TNS1: variants seen among roughly 807,000 people sequenced by gnomAD.
TNS1 encodes tensin-1.
TNS1 carries 62 observed loss-of-function variants against 168.6 expected under a neutral mutation model. The ratio of observed to expected loss-of-function variants is 0.37; its 90% CI spans 0.30 to 0.45. The LOEUF is 0.45. TNS1 is among the 20% of genes least tolerant of loss of function. The probability of loss-of-function intolerance (pLI) is 1.00; values close to 1 mark genes in which losing one functional copy is unlikely to be tolerated. For missense variants in TNS1, 2,240 were observed against 2,339.4 expected, an observed-to-expected ratio of 0.96 and a Z score of 0.88; for synonymous variants, 934 against 933.2, an observed-to-expected ratio of 1.00 and a Z score of -0.02.
At chr2:217,890,382 T>C in intron 12 of TNS1, 1 of 152,702 alleles carries the variant, frequency 6.5e-6, no homozygotes, top group East Asian at 1.9e-4. Flanking sequence ...CTTTTTCCTG[T>C]TCACCCAGAT....
At chr2:217,913,523 C>A (rs980720672) in intron 4 of TNS1, among the ~76,000 whole-genome samples, 1 of 152,136 alleles carries the variant, frequency 6.6e-6, no homozygotes, top group Non-Finnish European at 1.5e-5. Context: ...TCCAGCCACC[C>A]TTGCCTGCAG....
intron 22 of TNS1, among the ~76,000 whole-genome samples, 171 bp from the exon 23 acceptor site, chr2:217,822,109 AG>A (rs1942960543): frequency 6.6e-6 from 1 of 152,022 alleles, no homozygotes; most frequent in Non-Finnish European, 1.5e-5. Flanking sequence ...CCTGCCCTGC[AG>A]TGACCTTTCA....
chr2:217,961,754 G>C (rs1957502839), intron 3 of TNS1, among the ~76,000 whole-genome samples: 1 of 152,132 alleles, frequency 6.6e-6, no homozygotes, highest in Non-Finnish European at 1.5e-5. Context: ...ATACTCCCGA[G>C]AAAAGAACTT....
In TNS1 at chr2:218,020,981, T is replaced by A. The variant is rs57973582; in HGVS notation, c.156+12839A>T. Among the ~76,000 whole-genome samples, 591 of 152,298 alleles carry A rather than the reference T, an allele frequency of 3.9e-3. 4 individuals carry two copies. The highest frequency in any genetic ancestry group is 0.013 in the African/African-American group (553 of 41,560). On this transcript the variant is annotated intron_variant, in intron 1 of 1. Coordinates refer to the TNS1 transcript ENST00000649572. ...CAGCGAGATGAGAGAAGACAATGCA[T>A]CCACGAAACAAGAACAGGAGGCTAT... is the stretch of plus-strand genomic sequence containing the variant.
intron 1 of TNS1, among the ~76,000 whole-genome samples, chr2:218,030,082 C>G (rs758351009): frequency 6.6e-6 from 1 of 152,156 alleles, no homozygotes; most frequent in Non-Finnish European, 1.5e-5. Context: ...ACTCTGACCA[C>G]CGGGCACCTC....
intron 19 of TNS1, among the ~76,000 whole-genome samples, chr2:217,840,885 T>C (rs995315415): frequency 6.6e-6 from 1 of 151,966 alleles, no homozygotes; most frequent in East Asian, 1.9e-4. Context: ...AGGCCAAGGC[T>C]AGCATGAGGC....
At chr2:217,860,266 A>G (rs1174185380) in intron 18 of TNS1, among the ~76,000 whole-genome samples, 1 of 152,146 alleles carries the variant, frequency 6.6e-6, no homozygotes, top group Admixed American at 6.5e-5. Context: ...TTGAGGGTAA[A>G]GAAAGAAAAT....
At chr2:217,831,639 T>TG (rs1003039261) in intron 21 of TNS1, 92 bp from the exon 22 acceptor site, 13 of 1,053,644 alleles carry the variant, frequency 1.2e-5, no homozygotes, top group Non-Finnish European at 1.4e-5. Flanking sequence ...TAGTGAGGGC[T>TG]GGGGGGCTGG....
At chr2:217,928,056 TAAGGC>T (rs1195954919) in intron 3 of TNS1, among the ~76,000 whole-genome samples, 5 of 152,144 alleles carry the variant, frequency 3.3e-5, no homozygotes, top group Non-Finnish European at 1.5e-5. Flanking sequence ...TTCAACCTGG[TAAGGC>T]AAGCTGGGAG....
intron 1 of TNS1, among the ~76,000 whole-genome samples, chr2:218,020,859 A>G (rs1171051681): frequency 6.6e-6 from 1 of 152,204 alleles, no homozygotes; most frequent in Non-Finnish European, 1.5e-5. Flanking sequence ...CCCTTTACTA[A>G]GGGAGCTTGC....
In TNS1 at chr2:217,829,203, C is replaced by T. The variant is rs1333803826; in HGVS notation, c.3373+2252G>A. 2.2e-5 allele frequency among the ~76,000 whole-genome samples: 3 copies of T among 134,798 alleles called. No homozygotes were observed. In the Admixed American group the frequency reaches 2.4e-4, roughly 11 times the overall value. The allele number at this position is 134,798 out of a possible 152,430, so 88.4% of individuals were successfully genotyped here. On this transcript the variant is annotated intron_variant, in intron 22 of 32. Coordinates refer to ENST00000682258, the MANE Select transcript of TNS1 (RefSeq NM_001387777.1). ...CCAGCCTGGCCAACATGGTGAAACC[C>T]CATCTCTACTAAAAATACAAAAAAA...
chr2:217,831,942 A>AACACACACACACAC (rs66652637), intron 21 of TNS1, among the ~76,000 whole-genome samples: 3,296 of 146,206 alleles, frequency 0.023, 115 homozygotes, highest in African/African-American at 0.078. Flanking sequence ...ACCCTCACCC[A>AACACACACACACAC]ACACACACAC....
chr2:217,844,901 T>A (rs1479901074), intron 19 of TNS1, among the ~76,000 whole-genome samples: 1 of 152,246 alleles, frequency 6.6e-6, no homozygotes, highest in African/African-American at 2.4e-5. Flanking sequence ...TATTTCTTTT[T>A]CTTGTCTTAT....
intron 3 of TNS1, among the ~76,000 whole-genome samples, chr2:217,966,631 ACT>A (rs1189469090): frequency 6.6e-6 from 1 of 152,204 alleles, no homozygotes; most frequent in Non-Finnish European, 1.5e-5. Context: ...CCCCAGATGC[ACT>A]GAGTCAAACT....
intron 4 of TNS1, among the ~76,000 whole-genome samples, chr2:217,917,295 C>T (rs1364962040): frequency 6.6e-6 from 1 of 152,168 alleles, no homozygotes; most frequent in Non-Finnish European, 1.5e-5. Flanking sequence ...TTCCTTCCAG[C>T]CATTCAAGAA....
intron 22 of TNS1, among the ~76,000 whole-genome samples, chr2:217,826,644 C>T (rs1255944302): frequency 2.0e-5 from 3 of 152,240 alleles, no homozygotes; most frequent in Non-Finnish European, 2.9e-5. Context: ...TCCTCCACTC[C>T]TCACTCGCAC....
chr2:217,963,511 G>A lies in TNS1; in HGVS notation c.186+15254C>T, dbSNP rs117340327. Among the ~76,000 whole-genome samples the A allele has an allele frequency of 3.5e-4, 54 of 152,296 alleles. No individual in the cohort carries two copies. In the East Asian group the frequency reaches 3.9e-3, roughly 11 times the overall value. On this transcript the variant is annotated intron_variant, in intron 3 of 32. Transcript: ENST00000682258. ...TTATGGACCAGGAAGCTGAGAACCT[G>A]CGCACTTGAGAAAATGGCCCAAGGC...
At position 217,813,810 on chromosome 2, in the gene TNS1, G is replaced by A. The variant is rs147272941; in HGVS notation, c.4736C>T (p.Ala1579Val). ...CCCCGGCTCCTGGTCCTTGAGGAGC[G>A]CGATGGCTGCATGGGGAAGGGACAA... ...KPEISREQAI[A>V]LLKDQEPGAF... Residue 1579 changes from alanine to valine, a missense_variant, in exon 26 of 33, where the codon GCG becomes GTG. By Grantham distance (64) the Ala-to-Val change is moderately conservative. Coordinates refer to ENST00000682258, the MANE Select transcript of TNS1 (RefSeq NM_001387777.1). This position sits in a 1 kb window ranked among gnomAD's most constrained non-coding sequence, Gnocchi z 4.0. The A allele has an allele frequency of 1.6e-5, 26 of 1,609,472 alleles. No homozygotes were observed. Among genetic ancestry groups the A allele is most frequent in the Non-Finnish European group, 1.7e-5 (20 of 1,177,916 alleles).
At chr2:217,850,015 C>T in intron 18 of TNS1, 1 of 985,412 alleles carries the variant, frequency 1.0e-6, no homozygotes, top group African/African-American at 1.7e-5. Flanking sequence ...GCCACATTTC[C>T]AGAGGCTCCT....
Sources: gnomAD v4.1 joint callset for allele counts (sites outside exome capture counted in the v4.1 genomes callset) on GRCh38, gnomAD v4.1.1 for gene constraint, Gnocchi (gnomAD v3.1) non-coding constraint, MANE v1.5 for transcripts, NCBI Gene and HGNC (gene_info 2026-07-23, HGNC 2026-07-21) for gene names.